Variants in ABCC10 observed in about 807,000 individuals in gnomAD.
The protein encoded by ABCC10 is ATP-binding cassette sub-family C member 10.
Under a neutral mutation model 143.2 loss-of-function variants are expected in ABCC10, and 110 were observed. The observed-to-expected ratio is 0.77, with a 90% CI of 0.66 to 0.90. ABCC10 has a LOEUF of 0.90. Ranked by LOEUF, ABCC10 falls within the 40% of genes least tolerant of loss-of-function variation. The pLI, the probability that ABCC10 is intolerant of heterozygous loss-of-function variation, is 0.00. For missense variants in ABCC10, 1,700 were observed against 1,900.5 expected (o/e 0.89, Z 1.96); for synonymous variants, 805 against 846.7 (o/e 0.95, Z 0.85).
rs1175722375 is a variant in ABCC10 at position 43,443,970 on chromosome 6, C to G, written c.2454C>G (p.Val818=). ...PSEILPLVQA[V]PKAWAENGQE... The stretch of plus-strand genomic sequence containing the variant: ...AGATTCTGCCACTGGTACAAGCTGT[C>G]CCCAAAGCCTGGGCTGAGAATGGAC... Residue 818 remains valine, a synonymous_variant, in exon 11 of 22, where the codon GTC becomes GTG. Coordinates refer to ENST00000372530, the MANE Select transcript of ABCC10 (RefSeq NM_001198934.2). The surrounding 1 kb of genome is among the most constrained non-coding windows in gnomAD (Gnocchi z 4.2). 1 of 1,614,200 alleles carries G rather than the reference C, an allele frequency of 6.2e-7. No homozygotes were observed. The highest frequency in any genetic ancestry group is 1.7e-5 in the Admixed American group (1 of 60,022).
intron 2 of ABCC10, chr6:43,431,877 A>G: frequency 1.5e-6 from 2 of 1,303,688 alleles, no homozygotes; most frequent in South Asian, 2.6e-5. Context: ...AAAAAACATG[A>G]ATCAGAAATG....
intron 13 of ABCC10, 47 bp downstream of exon 13, chr6:43,444,985 G>T (rs779680834): frequency 6.3e-7 from 1 of 1,585,174 alleles, no homozygotes; most frequent in African/African-American, 1.3e-5. Context: ...CAGAGTGGTC[G>T]CCAGGCAGGG....
intron 4 of ABCC10, 87 bp from the exon 5 acceptor site, chr6:43,435,664 C>T (rs1781612959): frequency 6.8e-7 from 1 of 1,462,850 alleles, no homozygotes. Flanking sequence ...CCCAGTTCTT[C>T]CCTCCGTAGA....
At position 43,433,131 on chromosome 6, in the gene ABCC10, T is replaced by G; in HGVS notation, c.1151T>G (p.Leu384Arg). 1.2e-6 allele frequency: 2 copies of G among 1,614,130 alleles called. No homozygotes were observed. Among genetic ancestry groups the G allele is most frequent in the Non-Finnish European group, 1.7e-6 (2 of 1,179,984 alleles). The change falls in exon 3 of 22, where the codon CTA becomes CGA. Residue 384 changes from leucine (L) to arginine (R), a missense_variant. Coordinates refer to ENST00000372530, the MANE Select transcript of ABCC10 (RefSeq NM_001198934.2). ...CCTACTGGGGAGGCCCTGAACCTAC[T>G]AGGCACTGACTCTGAACGGCTGCTT... The part of the protein sequence containing the change: ...RPPTGEALNL[L>R]GTDSERLLNF...
chr6:43,447,357 G>T lies in ABCC10; in HGVS notation c.3654G>T (p.Leu1218=), dbSNP rs762529293. The T allele has an allele frequency of 6.2e-7, 1 of 1,613,256 alleles. No homozygotes were observed. ...CCATGCTGGTGAGCGTCGAGCGGCT[G>T]GAAGAGTACACCTGTGACCTGCCCC... The part of the protein sequence containing the change: ...TEAMLVSVER[L]EEYTCDLPQE... The change falls in exon 17 of 22, where the codon CTG becomes CTT. Residue 1218 remains leucine (L), a synonymous_variant. Transcript: ENST00000372530.
chr6:43,428,226 T>C, intron 2 of ABCC10, 87 bp downstream of exon 2: 1 of 1,372,250 alleles, frequency 7.3e-7, no homozygotes, highest in Non-Finnish European at 9.7e-7. Context: ...GTCACCAGAA[T>C]AGCGAGGTCT....
rs1274882576 is a variant in ABCC10 at position 43,445,939 on chromosome 6, A to G, written c.3371A>G (p.Tyr1124Cys). 6.2e-7 allele frequency: 1 copy of G among 1,610,092 alleles called. No homozygotes were observed. The highest frequency in any genetic ancestry group is 8.5e-7 in the Non-Finnish European group (1 of 1,177,250). Residue 1124 changes from tyrosine (Y) to cysteine (C), a missense_variant, in exon 15 of 22, where the codon TAC becomes TGC. By Grantham distance (194) the Tyr-to-Cys change is radical. Coordinates refer to ENST00000372530, the MANE Select transcript of ABCC10 (RefSeq NM_001198934.2). Reference protein sequence around the residue: ...LSVLRATGATYRFEEENLRLL... With the variant: ...LSVLRATGATCRFEEENLRLL... ...GTGCTCCGGGCCACAGGGGCCACCTACAGGTGTGTGAACCAGAGCCCAGGG... is the reference window on the plus strand; with the variant it reads ...GTGCTCCGGGCCACAGGGGCCACCTGCAGGTGTGTGAACCAGAGCCCAGGG...
At position 43,432,220 on chromosome 6, in the gene ABCC10, G is replaced by A. The variant is rs146117041; in HGVS notation, c.240G>A (p.Pro80=). ...LAASFLLSVF[P]LLDLLPVALP... is the part of the protein sequence containing the mutation. ...CTTCCTTCCTGCTTTCCGTCTTCCC[G>A]CTGCTAGACCTTCTTCCAGTTGCTT... The change falls in exon 3 of 22, where the codon CCG becomes CCA. Residue 80 remains proline, a synonymous_variant. Coordinates refer to ENST00000372530, the MANE Select transcript of ABCC10 (RefSeq NM_001198934.2). 75 of 1,614,080 alleles carry A rather than the reference G, an allele frequency of 4.6e-5. No homozygotes were observed. The highest frequency in any genetic ancestry group is 5.8e-5 in the Non-Finnish European group (69 of 1,180,038).
intron 4 of ABCC10, among the ~76,000 whole-genome samples, chr6:43,435,381 AAATT>A (rs1781577304): frequency 6.6e-6 from 1 of 152,068 alleles, no homozygotes; most frequent in Admixed American, 6.5e-5. Flanking sequence ...AAAAATATAA[AAATT>A]AACCAGGTGT....
Position 43,445,189 on chromosome 6 carries a change from A to G in ABCC10, c.2905A>G (p.Thr969Ala). The part of the protein sequence containing the change: ...NGSSDIRFYL[T>A]VYATIAGVNS... ...CTCCTCAGACATCCGTTTCTACCTC[A>G]CCGTGTATGCGACCATTGCTGGTGT... Residue 969 changes from threonine (T) to alanine (A), a missense_variant, in exon 14 of 22, where the codon ACC becomes GCC. Coordinates refer to ENST00000372530, the MANE Select transcript of ABCC10 (RefSeq NM_001198934.2). 1 of 1,613,760 alleles carries G rather than the reference A, an allele frequency of 6.2e-7. No homozygotes were observed. The highest frequency in any genetic ancestry group is 8.5e-7 in the Non-Finnish European group (1 of 1,179,906).
chr6:43,445,502 T>C, intron 14 of ABCC10, 97 bp from the exon 15 acceptor site: 1 of 1,414,298 alleles, frequency 7.1e-7, no homozygotes, highest in Non-Finnish European at 9.8e-7. Context: ...CTATTCTCTA[T>C]CTTGGGCCTT....
chr6:43,433,791 G>A (rs1781390064), intron 3 of ABCC10, among the ~76,000 whole-genome samples: 1 of 152,188 alleles, frequency 6.6e-6, no homozygotes, highest in Admixed American at 6.5e-5. Flanking sequence ...ACCACCCCAT[G>A]GCTGCATGTA....
intron 3 of ABCC10, among the ~76,000 whole-genome samples, chr6:43,434,337 C>G (rs945397760): frequency 6.6e-6 from 1 of 152,242 alleles, no homozygotes; most frequent in Admixed American, 6.5e-5. Context: ...CCTTCCACCA[C>G]TCCTCCTAGG....
intron 6 of ABCC10, 84 bp from the exon 7 acceptor site, chr6:43,437,850 C>G: frequency 7.3e-7 from 1 of 1,368,198 alleles, no homozygotes; most frequent in Non-Finnish European, 1.0e-6. Flanking sequence ...GGAGGACTGG[C>G]AGCCCAGAGT....
In ABCC10 at chr6:43,441,944, C is replaced by A; in HGVS notation, c.2210C>A (p.Ala737Asp). 6.2e-7 allele frequency: 1 copy of A among 1,613,858 alleles called. No individual in the cohort carries two copies. Among genetic ancestry groups the A allele is most frequent in the Non-Finnish European group, 8.5e-7 (1 of 1,179,852 alleles). ...GGACAGCGTGCCCGGATTGCCCTTGCTCGTGCTGTCTACCAGGTCAGTTAA... is the reference window on the plus strand; with the variant it reads ...GGACAGCGTGCCCGGATTGCCCTTGATCGTGCTGTCTACCAGGTCAGTTAA... Reference protein sequence around the residue: ...SGGQRARIALARAVYQEKELY... With the variant: ...SGGQRARIALDRAVYQEKELY... Residue 737 changes from alanine to aspartate, a missense_variant, in exon 9 of 22, where the codon GCT (alanine) becomes GAT (aspartate). Transcript: ENST00000372530.
rs778881357 is a variant in ABCC10, at chr6:43,445,829, C to T, written c.3261C>T (p.Ala1087=). The change falls in exon 15 of 22, where the codon GCC becomes GCT. Residue 1087 remains alanine, a synonymous_variant. Transcript: ENST00000372530. Reference sequence around the variant, plus strand: ...ATCACGTGCAGCGCCACTACAGGGCCTCCTCACGGGAGCTGCGGCGCCTGG... The same window carrying T: ...ATCACGTGCAGCGCCACTACAGGGCTTCCTCACGGGAGCTGCGGCGCCTGG... The part of the protein sequence containing the change: ...MYYHVQRHYR[A]SSRELRRLGS... 6.2e-7 allele frequency: 1 copy of T among 1,614,146 alleles called. No homozygotes were observed. The highest frequency in any genetic ancestry group is 1.1e-5 in the South Asian group (1 of 91,088).
At position 43,432,749 on chromosome 6, in the gene ABCC10, A is replaced by T; in HGVS notation, c.769A>T (p.Thr257Ser). The T allele has an allele frequency of 6.2e-7, 1 of 1,614,126 alleles. No individual in the cohort carries two copies. Among genetic ancestry groups the T allele is most frequent in the Admixed American group, 1.7e-5 (1 of 60,024 alleles). Residue 257 changes from threonine to serine, a missense_variant, in exon 3 of 22, where the codon ACC becomes TCC. By Grantham distance (58) the Thr-to-Ser change is moderately conservative (BLOSUM62 1). Coordinates refer to ENST00000372530, the MANE Select transcript of ABCC10 (RefSeq NM_001198934.2). ...ICRLPHRLQP[T>S]YLARVFQAHW... ...CCGCCTCCCCCACAGACTGCAGCCAACCTACCTGGCTCGTGTCTTCCAGGC... is the reference window on the plus strand; with the variant it reads ...CCGCCTCCCCCACAGACTGCAGCCATCCTACCTGGCTCGTGTCTTCCAGGC...
At position 43,447,851 on chromosome 6, in the gene ABCC10, G is replaced by C; in HGVS notation, c.3873G>C (p.Leu1291Phe). ...RTGSGKSSLL[L>F]VLFRLLEPSS... ...GCTCCGGCAAGTCTTCCCTGTTGTTGGTGCTCTTCCGGCTGCTAGAGCCCA... is the reference window on the plus strand; with the variant it reads ...GCTCCGGCAAGTCTTCCCTGTTGTTCGTGCTCTTCCGGCTGCTAGAGCCCA... Residue 1291 changes from leucine (L) to phenylalanine (F), a missense_variant, in exon 18 of 22, where the codon TTG becomes TTC. By Grantham distance (22) the Leu-to-Phe change is conservative. Transcript: ENST00000372530. 6.2e-7 allele frequency: 1 copy of C among 1,613,872 alleles called. No homozygotes were observed. Among genetic ancestry groups the C allele is most frequent in the Non-Finnish European group, 8.5e-7 (1 of 1,180,044 alleles).
Position 43,432,692 on chromosome 6 carries a change from T to C in ABCC10, c.712T>C (p.Cys238Arg), listed in dbSNP as rs988478189. 20 of 1,613,918 alleles carry C rather than the reference T, an allele frequency of 1.2e-5. No homozygotes were observed. In the African/African-American group the frequency reaches 2.4e-4, roughly 19 times the overall value. Residue 238 changes from cysteine (C) to arginine (R), a missense_variant, in exon 3 of 22, where the codon TGT becomes CGT. Coordinates refer to ENST00000372530, the MANE Select transcript of ABCC10 (RefSeq NM_001198934.2). The stretch of plus-strand genomic sequence containing the variant: ...GGCACCCTTGCTGGCCCGTGGGGCC[T>C]GTGGAGAGCTCCGGCAGCCTCAGGA... ...WLAPLLARGA[C>R]GELRQPQDIC...
Sources: gnomAD v4.1 joint callset for allele counts (sites outside exome capture counted in the v4.1 genomes callset) on GRCh38, gnomAD v4.1.1 for gene constraint, Gnocchi (gnomAD v3.1) non-coding constraint, MANE v1.5 for transcripts, NCBI Gene and HGNC (gene_info 2026-07-23, HGNC 2026-07-21) for gene names.